The following TMEM178A variants were observed in gnomAD, a reference collection of about 807,000 sequenced individuals.
TMEM178A encodes transmembrane protein 178.
A neutral mutation model predicts 29.1 loss-of-function variants in TMEM178A; 12 were observed. The observed-to-expected ratio is 0.41, with a 90% CI of 0.26 to 0.67. The LOEUF is 0.67. TMEM178A is among the 30% of genes least tolerant of loss of function. The probability of loss-of-function intolerance (pLI) is 0.29; values close to 1 mark genes in which losing one functional copy is unlikely to be tolerated. For synonymous variants in TMEM178A, 210 were observed against 187.2 expected, an observed-to-expected ratio of 1.12 and a Z score of -0.99; for missense variants, 366 against 419.1, an observed-to-expected ratio of 0.87 and a Z score of 1.11.
In TMEM178A at chr2:39,717,657, T is replaced by C. The variant is rs1672604406; in HGVS notation, c.*406T>C. On this transcript the variant is annotated 3_prime_UTR_variant, in exon 4 of 4. Coordinates refer to ENST00000281961, the MANE Select transcript of TMEM178A (RefSeq NM_152390.3). ...TTTCTTGTCATTGTATCATGCTTGT[T>C]AAATTTTAATGCAGCATCTTCAGAA... 1 of 160,892 alleles carries C rather than the reference T, an allele frequency of 6.2e-6. No homozygotes were observed. The highest frequency in any genetic ancestry group is 2.4e-5 in the African/African-American group (1 of 41,660). 10.0% of individuals were successfully genotyped at this position (160,892 alleles called of 1,614,324 possible).
intron 1 of TMEM178A, among the ~76,000 whole-genome samples, chr2:39,681,894 G>T (rs1670885708): frequency 6.6e-6 from 1 of 152,198 alleles, no homozygotes; most frequent in African/African-American, 2.4e-5. Flanking sequence ...GTTATCACCT[G>T]TCTACAGTGG....
chr2:39,683,067 C>T (rs1317896477), intron 1 of TMEM178A, among the ~76,000 whole-genome samples: 2 of 152,228 alleles, frequency 1.3e-5, no homozygotes, highest in Non-Finnish European at 2.9e-5. Flanking sequence ...TTCTATTGAT[C>T]TTCAGGACTA....
intron 1 of TMEM178A, among the ~76,000 whole-genome samples, chr2:39,680,902 A>G (rs1670842567): frequency 6.6e-6 from 1 of 152,180 alleles, no homozygotes; most frequent in South Asian, 2.1e-4. Flanking sequence ...TGCTTTTTGA[A>G]TTTAATAATT....
At chr2:39,676,655 C>T (rs954093507) in intron 1 of TMEM178A, among the ~76,000 whole-genome samples, 3 of 152,184 alleles carry the variant, frequency 2.0e-5, no homozygotes, top group African/African-American at 7.2e-5. Flanking sequence ...CCCCAGGAAG[C>T]ACTTGGCTGG....
intron 1 of TMEM178A, among the ~76,000 whole-genome samples, chr2:39,671,545 A>C (rs1160908536): frequency 6.6e-6 from 1 of 152,096 alleles, no homozygotes; most frequent in Admixed American, 6.6e-5. Flanking sequence ...TATGATTAAG[A>C]CTTCGTTTTT....
intron 2 of TMEM178A, 38 bp from the exon 3 acceptor site, chr2:39,707,011 A>T: frequency 6.4e-7 from 1 of 1,568,190 alleles, no homozygotes; most frequent in Non-Finnish European, 8.6e-7. Context: ...ACTTTCCTGA[A>T]TTCTGATTGT....
chr2:39,714,952 A>G lies in TMEM178A; in HGVS notation c.653-2058A>G, dbSNP rs146902563. Among the ~76,000 whole-genome samples, 569 of 152,336 alleles carry G rather than the reference A, an allele frequency of 3.7e-3. 3 individuals are homozygous for G. Among genetic ancestry groups the G allele is most frequent in the African/African-American group, 0.013 (529 of 41,566 alleles). On this transcript the variant is annotated intron_variant, in intron 3 of 3. Coordinates refer to ENST00000281961, the MANE Select transcript of TMEM178A (RefSeq NM_152390.3). Reference sequence around the variant, plus strand: ...TTCATGTTTCATTTTGGAATAACAGAATCACAGAAATTTGACACTCTTAGG... The same window carrying G: ...TTCATGTTTCATTTTGGAATAACAGGATCACAGAAATTTGACACTCTTAGG...
chr2:39,684,871 T>C (rs1671007782), intron 1 of TMEM178A, among the ~76,000 whole-genome samples: 1 of 152,122 alleles, frequency 6.6e-6, no homozygotes, highest in South Asian at 2.1e-4. Context: ...GAACAGCCAT[T>C]TACTTCCCCC....
chr2:39,719,897 T>C (rs1410017514), downstream of TMEM178A, among the ~76,000 whole-genome samples: 3 of 152,128 alleles, frequency 2.0e-5, no homozygotes, highest in Non-Finnish European at 4.4e-5. Flanking sequence ...ACATTTCTTA[T>C]ATAGTCAACA....
intron 1 of TMEM178A, among the ~76,000 whole-genome samples, chr2:39,671,055 G>T (rs552962109): frequency 6.6e-6 from 1 of 152,226 alleles, no homozygotes; most frequent in South Asian, 2.1e-4. Flanking sequence ...AATCAACTGG[G>T]TTTGAATTCT....
downstream of TMEM178A, among the ~76,000 whole-genome samples, chr2:39,721,456 C>T (rs1672700393): frequency 6.6e-6 from 1 of 152,140 alleles, no homozygotes; most frequent in Non-Finnish European, 1.5e-5. Context: ...CTATAAAATA[C>T]TGCCTGCTAC....
intron 1 of TMEM178A, among the ~76,000 whole-genome samples, chr2:39,687,070 G>A (rs1252466406): frequency 6.7e-6 from 1 of 149,648 alleles, no homozygotes; most frequent in East Asian, 2.0e-4. Context: ...CTGTCTGCAA[G>A]TTGTCTCACC....
At chr2:39,726,188 A>ATG in the TMEM178A span, among the ~76,000 whole-genome samples, 2,073 of 152,292 alleles carry the variant, frequency 0.014, 23 homozygotes, top group Non-Finnish European at 0.021. Context: ...TGGTGGTGAT[A>ATG]TGTGCTATGA....
the TMEM178A span, among the ~76,000 whole-genome samples, chr2:39,733,707 A>G: frequency 1.3e-5 from 2 of 152,176 alleles, no homozygotes; most frequent in South Asian, 2.1e-4. Flanking sequence ...GATGTTTGCA[A>G]TGGTTTTCCC....
intron 3 of TMEM178A, among the ~76,000 whole-genome samples, chr2:39,707,883 C>A (rs763404113): frequency 2.6e-5 from 4 of 152,160 alleles, no homozygotes; most frequent in Admixed American, 6.5e-5. Flanking sequence ...CAACCCATGC[C>A]CCGCTGGATG....
intron 1 of TMEM178A, among the ~76,000 whole-genome samples, chr2:39,694,039 T>C (rs1671437612): frequency 6.6e-6 from 1 of 151,324 alleles, no homozygotes; most frequent in African/African-American, 2.4e-5. Context: ...TGACTTGTCA[T>C]TGAACTCTCC....
the TMEM178A span, among the ~76,000 whole-genome samples, chr2:39,728,034 T>C: frequency 0.036 from 5,445 of 152,276 alleles, 256 homozygotes; most frequent in African/African-American, 0.099. Flanking sequence ...TGTGTGCATG[T>C]GTCTTTATAG....
the TMEM178A span, among the ~76,000 whole-genome samples, chr2:39,728,344 T>G: frequency 6.6e-6 from 1 of 152,236 alleles, no homozygotes; most frequent in Admixed American, 6.5e-5. Flanking sequence ...GGTGTCTCCC[T>G]GGACAGCTGT....
chr2:39,693,150 A>T (rs974483694), intron 1 of TMEM178A, among the ~76,000 whole-genome samples: 1 of 152,148 alleles, frequency 6.6e-6, no homozygotes. Flanking sequence ...AAAACAAAAA[A>T]CAACAACAAC....
Sources: allele counts gnomAD v4.1 joint callset (sites outside exome capture counted in the v4.1 genomes callset), GRCh38; gene constraint gnomAD v4.1.1; transcripts MANE v1.5; gene names NCBI Gene and HGNC (gene_info 2026-07-23, HGNC 2026-07-21).